PAFAH1B1: variants seen among roughly 807,000 people sequenced by gnomAD.
The protein encoded by PAFAH1B1 is platelet activating factor acetylhydrolase 1b regulatory subunit 1.
A neutral mutation model predicts 57.5 loss-of-function variants in PAFAH1B1; 2 were observed. The observed-to-expected ratio is 0.03, with a 90% CI of 0.01 to 0.11. PAFAH1B1 has a LOEUF of 0.11. Among genes scored for constraint, PAFAH1B1 ranks in the 10% least tolerant of loss-of-function variants. The pLI, the probability that PAFAH1B1 is intolerant of heterozygous loss-of-function variation, is 1.00. For synonymous variants in PAFAH1B1, 152 were observed against 169.6 expected (o/e 0.90, Z 0.81); for missense variants, 257 against 512.0 (o/e 0.50, Z 4.81).
At chr17:2,617,767 G>A (rs1053086506) in intron 1 of PAFAH1B1, among the ~76,000 whole-genome samples, 11 of 151,852 alleles carry the variant, frequency 7.2e-5, no homozygotes, top group African/African-American at 1.2e-4. Flanking sequence ...TAAAAATGCA[G>A]CATTTAGCCA....
At chr17:2,649,701 A>G (rs531529012) in intron 2 of PAFAH1B1, among the ~76,000 whole-genome samples, 1 of 152,308 alleles carries the variant, frequency 6.6e-6, no homozygotes, top group Non-Finnish European at 1.5e-5. Context: ...ATTAAATGCA[A>G]TCCCAATCAA....
intron 1 of PAFAH1B1, among the ~76,000 whole-genome samples, chr17:2,614,233 GC>G (rs2068308907): frequency 6.6e-6 from 1 of 151,698 alleles, no homozygotes. Flanking sequence ...TTGCTGTTTT[GC>G]CCAGGCTGAT....
At chr17:2,662,943 G>T (rs573701704) in intron 2 of PAFAH1B1, among the ~76,000 whole-genome samples, 2 of 151,894 alleles carry the variant, frequency 1.3e-5, no homozygotes, top group African/African-American at 4.8e-5. Context: ...GAGAAACCCC[G>T]TCTCTACTAA....
intron 2 of PAFAH1B1, among the ~76,000 whole-genome samples, chr17:2,659,951 C>A (rs1297052915): frequency 6.6e-6 from 1 of 152,218 alleles, no homozygotes; most frequent in Non-Finnish European, 1.5e-5. Flanking sequence ...TAATCACATT[C>A]TCTCCCAAGA....
intron 2 of PAFAH1B1, among the ~76,000 whole-genome samples, chr17:2,645,040 G>A (rs1457816083): frequency 1.3e-5 from 2 of 152,084 alleles, no homozygotes; most frequent in Non-Finnish European, 2.9e-5. Flanking sequence ...TGAGCACAGA[G>A]GTTCAAGACC....
chr17:2,604,809 C>CA (rs369071733), intron 1 of PAFAH1B1, among the ~76,000 whole-genome samples: 2,580 of 147,406 alleles, frequency 0.018, 74 homozygotes, highest in African/African-American at 0.06. Flanking sequence ...GACTCTGTCT[C>CA]AAAAAAAAAA....
intron 1 of PAFAH1B1, among the ~76,000 whole-genome samples, chr17:2,622,595 C>T (rs142251463): frequency 2.6e-5 from 4 of 152,268 alleles, no homozygotes; most frequent in Admixed American, 6.5e-5. Context: ...TTGCAGGGTA[C>T]GGCCTCCCTC....
intron 1 of PAFAH1B1, among the ~76,000 whole-genome samples, chr17:2,615,428 A>C (rs2068326356): frequency 6.6e-6 from 1 of 152,138 alleles, no homozygotes; most frequent in Non-Finnish European, 1.5e-5. Context: ...TCGAAGACAA[A>C]AGTAGGAAAC....
At position 2,649,084 on chromosome 17, in the gene PAFAH1B1, A is replaced by G. The variant is rs1399826567; in HGVS notation, c.32+10764A>G. On this transcript the variant is annotated intron_variant, in intron 2 of 10. Transcript: ENST00000397195. ...TCAGGGCCAGGTGGGGGTGGCTCACACCTGTAACCCGAGCACTTTGGGATG... is the reference window on the plus strand; with the variant it reads ...TCAGGGCCAGGTGGGGGTGGCTCACGCCTGTAACCCGAGCACTTTGGGATG... Among the ~76,000 whole-genome samples, 5 of 151,902 alleles carry G rather than the reference A, an allele frequency of 3.3e-5. No individual in the cohort carries two copies. In the East Asian group the frequency reaches 9.6e-4, roughly 29 times the overall value.
intron 9 of PAFAH1B1, among the ~76,000 whole-genome samples, chr17:2,677,027 C>CCT (rs1360454373): frequency 1.3e-5 from 2 of 152,106 alleles, no homozygotes; most frequent in African/African-American, 4.8e-5. Context: ...GTGGCGGGCG[C>CCT]CTGTAGTCCC....
intron 8 of PAFAH1B1, among the ~76,000 whole-genome samples, chr17:2,675,109 C>T (rs978548052): frequency 8.5e-5 from 13 of 152,216 alleles, no homozygotes; most frequent in Non-Finnish European, 1.6e-4. Flanking sequence ...TCAGGCGATT[C>T]TCCTGCCTCA....
chr17:2,647,330 C>T (rs1221569306), intron 2 of PAFAH1B1, among the ~76,000 whole-genome samples: 3 of 151,978 alleles, frequency 2.0e-5, no homozygotes, highest in African/African-American at 7.2e-5. Context: ...CGTGCCACTG[C>T]ACTTCAGCCT....
At chr17:2,662,597 G>A (rs2069033461) in intron 2 of PAFAH1B1, among the ~76,000 whole-genome samples, 1 of 151,716 alleles carries the variant, frequency 6.6e-6, no homozygotes, top group African/African-American at 2.4e-5. Flanking sequence ...TAGAGATGGG[G>A]TTTCACCATG....
At chr17:2,601,224 T>C (rs1244072457) in intron 1 of PAFAH1B1, among the ~76,000 whole-genome samples, 1 of 152,026 alleles carries the variant, frequency 6.6e-6, no homozygotes, top group Non-Finnish European at 1.5e-5. Flanking sequence ...AGCCTCCGCC[T>C]TTTGGGTTCA....
intron 10 of PAFAH1B1, 99 bp downstream of exon 10, chr17:2,680,419 T>TG: frequency 9.2e-7 from 1 of 1,083,074 alleles, no homozygotes; most frequent in Non-Finnish European, 1.4e-6. Context: ...AAGAAATGAC[T>TG]GTGCTTTCAG....
chr17:2,676,326 C>T, intron 8 of PAFAH1B1, 179 bp from the exon 9 acceptor site: 1 of 565,046 alleles, frequency 1.8e-6, no homozygotes, highest in Non-Finnish European at 3.2e-6. Context: ...TGCAGTGACC[C>T]AAGATTGCAC....
At chr17:2,675,182 TAG>T (rs1444435889) in intron 8 of PAFAH1B1, among the ~76,000 whole-genome samples, 4 of 152,108 alleles carry the variant, frequency 2.6e-5, no homozygotes, top group African/African-American at 9.7e-5. Context: ...TTTATATTTT[TAG>T]TAGAAACAAG....
chr17:2,665,983 ATTT>A (rs769747818), intron 3 of PAFAH1B1, 30 bp from the exon 4 acceptor site: 13 of 1,431,616 alleles, frequency 9.1e-6, no homozygotes, highest in Non-Finnish European at 1.1e-5. Flanking sequence ...TAGTTAAGCC[ATTT>A]TTTAAAAATT....
intron 2 of PAFAH1B1, chr17:2,640,554 C>G (rs921844619): frequency 6.7e-6 from 1 of 150,286 alleles, no homozygotes; most frequent in African/African-American, 2.5e-5. Flanking sequence ...TGGGTTCACA[C>G]TATTCTCCTG....
Sources: allele counts gnomAD v4.1 joint callset (sites outside exome capture counted in the v4.1 genomes callset), GRCh38; gene constraint gnomAD v4.1.1; transcripts MANE v1.5; gene names NCBI Gene and HGNC (gene_info 2026-07-23, HGNC 2026-07-21).